Variants in BPIFB1 observed in about 807,000 individuals in gnomAD.
BPIFB1 encodes BPI fold-containing family B member 1.
Under a neutral mutation model 55.1 loss-of-function variants are expected in BPIFB1, and 34 were observed. That is an observed-to-expected ratio of 0.62 (90% CI 0.47 to 0.82). The LOEUF is 0.82. BPIFB1 is among the 40% of genes least tolerant of loss of function. The probability of loss-of-function intolerance (pLI) is 0.00; values close to 1 mark genes in which losing one functional copy is unlikely to be tolerated. For synonymous variants in BPIFB1, 236 were observed against 245.3 expected, an observed-to-expected ratio of 0.96 and a Z score of 0.35; for missense variants, 532 against 593.1, an observed-to-expected ratio of 0.90 and a Z score of 1.07.
intron 1 of BPIFB1, 54 bp downstream of exon 1, chr20:33,283,308 G>C (rs1373802271): frequency 6.6e-6 from 1 of 152,642 alleles, no homozygotes; most frequent in African/African-American, 2.4e-5. Flanking sequence ...TTCTGAGCTA[G>C]AGATACCTGT....
Position 33,297,552 on chromosome 20 carries a change from A to G in BPIFB1, c.625A>G (p.Asn209Asp), listed in dbSNP as rs1290047703. 1.2e-6 allele frequency: 2 copies of G among 1,614,180 alleles called. No homozygotes were observed. The highest frequency in any genetic ancestry group is 1.7e-5 in the Admixed American group (1 of 60,028). Residue 209 changes from asparagine (N) to aspartate (D), a missense_variant, in exon 7 of 16, where the codon AAT (asparagine) becomes GAT (aspartate). Asn to Asp is a conservative substitution (Grantham distance 23, BLOSUM62 1). Coordinates refer to ENST00000253354, the MANE Select transcript of BPIFB1 (RefSeq NM_033197.3). ...GTGTCCCGTGATCGAGGCTTCCTTC[A>G]ATGGCATGTATGCAGACCTCCTGCA... is the stretch of plus-strand genomic sequence containing the variant. ...QLCPVIEASF[N>D]GMYADLLQLV...
In BPIFB1 at chr20:33,301,400, G is replaced by GT. The variant is rs1191190896; in HGVS notation, c.917dup (p.Leu306PhefsTer7). 6.2e-7 allele frequency: 1 copy of GT among 1,613,458 alleles called. No individual in the cohort carries two copies. The highest frequency in any genetic ancestry group is 8.5e-7 in the Non-Finnish European group (1 of 1,179,812). Reference sequence around the variant, plus strand: ...TCTCTCCAGAAGAATTCATGGTCCTGTTGGACTCTGTGGTAAACCTCAGCA... The same window carrying GT: ...TCTCTCCAGAAGAATTCATGGTCCTGTTTGGACTCTGTGGTAAACCTCAGCA... On this transcript the variant is annotated frameshift_variant, in exon 9 of 16. Transcript: ENST00000253354. LOFTEE classifies it high-confidence loss of function.
intron 13 of BPIFB1, among the ~76,000 whole-genome samples, 159 bp from the exon 14 acceptor site, chr20:33,305,843 T>C (rs1224326016): frequency 6.6e-6 from 1 of 151,876 alleles, no homozygotes; most frequent in East Asian, 1.9e-4. Context: ...GCCCATCTGG[T>C]CCCTGGGAGC....
chr20:33,302,031 C>T (rs2275082), intron 9 of BPIFB1, among the ~76,000 whole-genome samples: 8,282 of 152,130 alleles, frequency 0.054, 242 homozygotes, highest in African/African-American at 0.079. Flanking sequence ...ACTGGGATGG[C>T]GAGAAAATAG....
chr20:33,297,752 C>T, intron 7 of BPIFB1, 164 bp downstream of exon 7: 1 of 718,608 alleles, frequency 1.4e-6, no homozygotes, highest in Non-Finnish European at 2.5e-6. Context: ...GACGCGCAGA[C>T]AGAAATTCGC....
At chr20:33,305,915 A>G in intron 13 of BPIFB1, 87 bp from the exon 14 acceptor site, 2 of 1,442,436 alleles carry the variant, frequency 1.4e-6, no homozygotes, top group Non-Finnish European at 1.9e-6. Context: ...CACCTCACCC[A>G]TGGGGAGGAG....
chr20:33,307,919 C>CA (rs370328605), intron 15 of BPIFB1: 120 of 147,664 alleles, frequency 8.1e-4, no homozygotes, highest in African/African-American at 1.2e-3. Flanking sequence ...ATCCCCCCCC[C>CA]AAAAAAAAAA....
At chr20:33,289,485 C>T (rs1980383916) in intron 3 of BPIFB1, among the ~76,000 whole-genome samples, 1 of 151,818 alleles carries the variant, frequency 6.6e-6, no homozygotes. Context: ...GACAGTGGAG[C>T]CGATGACTCA....
At chr20:33,304,451 A>G (rs1568654052) in intron 12 of BPIFB1, among the ~76,000 whole-genome samples, 1 of 152,216 alleles carries the variant, frequency 6.6e-6, no homozygotes, top group Non-Finnish European at 1.5e-5. Flanking sequence ...CAGCCCACAT[A>G]GGGCTGGGCT....
At chr20:33,299,675 A>C (rs1184752427) in intron 7 of BPIFB1, among the ~76,000 whole-genome samples, 1 of 152,196 alleles carries the variant, frequency 6.6e-6, no homozygotes, top group African/African-American at 2.4e-5. Context: ...TAACGTTATC[A>C]TGCAGATGAA....
intron 6 of BPIFB1, among the ~76,000 whole-genome samples, chr20:33,296,507 A>G (rs1425139108): frequency 6.6e-6 from 1 of 152,222 alleles, no homozygotes; most frequent in African/African-American, 2.4e-5. Flanking sequence ...TAAGCAGAAC[A>G]GCTCAGGTCA....
intron 12 of BPIFB1, among the ~76,000 whole-genome samples, chr20:33,304,261 A>G (rs1445932447): frequency 6.6e-6 from 1 of 151,968 alleles, no homozygotes; most frequent in Admixed American, 6.5e-5. Context: ...CGGCCAGCCC[A>G]CTCTGGACAC....
chr20:33,306,869 C>T, intron 14 of BPIFB1, 42 bp from the exon 15 acceptor site: 1 of 1,561,648 alleles, frequency 6.4e-7, no homozygotes. Context: ...TGCCCAGTCT[C>T]ACCCCAGGCC....
intron 11 of BPIFB1, 101 bp from the exon 12 acceptor site, chr20:33,303,857 C>A: frequency 1.7e-6 from 2 of 1,198,470 alleles, no homozygotes; most frequent in Non-Finnish European, 2.4e-6. Flanking sequence ...GGTCCCAGAG[C>A]CAGGAACTGA....
At chr20:33,295,662 G>A (rs138487414) in intron 6 of BPIFB1, among the ~76,000 whole-genome samples, 2,233 of 135,760 alleles carry the variant, frequency 0.016, 68 homozygotes, top group African/African-American at 0.066. Context: ...GAAAGAAAGA[G>A]AGAAAGAAAG....
chr20:33,288,519 G>A (rs1378458876), intron 2 of BPIFB1, among the ~76,000 whole-genome samples: 3 of 152,108 alleles, frequency 2.0e-5, no homozygotes, highest in East Asian at 3.9e-4. Context: ...TCCCAGCCTC[G>A]CTCCTGATGT....
At chr20:33,294,497 A>T (rs1292583931) in intron 6 of BPIFB1, among the ~76,000 whole-genome samples, 1 of 152,232 alleles carries the variant, frequency 6.6e-6, no homozygotes, top group African/African-American at 2.4e-5. Context: ...GGAATCCAAA[A>T]GTGAAAAACT....
intron 2 of BPIFB1, among the ~76,000 whole-genome samples, chr20:33,287,670 G>A (rs913374298): frequency 2.6e-5 from 4 of 152,194 alleles, no homozygotes; most frequent in African/African-American, 7.2e-5. Flanking sequence ...GCAATCTGAC[G>A]CTAGTGGGTG....
At chr20:33,294,029 G>A (rs567674827) in intron 6 of BPIFB1, among the ~76,000 whole-genome samples, 23 of 152,084 alleles carry the variant, frequency 1.5e-4, no homozygotes, top group African/African-American at 5.1e-4. Context: ...ATACTATTAC[G>A]TTTGTTTCTC....
Sources: gnomAD v4.1 joint callset for allele counts (sites outside exome capture counted in the v4.1 genomes callset) on GRCh38, gnomAD v4.1.1 for gene constraint, MANE v1.5 for transcripts, NCBI Gene and HGNC (gene_info 2026-07-23, HGNC 2026-07-21) for gene names.